The following SPECC1 variants were observed in gnomAD, a reference collection of about 807,000 sequenced individuals.
SPECC1 encodes sperm antigen with calponin homology and coiled-coil domains 1.
Under a neutral mutation model 104.1 loss-of-function variants are expected in SPECC1, and 62 were observed. The observed-to-expected ratio is 0.60, with a 90% confidence interval of 0.49 to 0.74. The LOEUF is 0.74. Ranked by LOEUF, SPECC1 falls within the 30% of genes least tolerant of loss-of-function variation. The pLI is 0.00. For missense variants in SPECC1, 1,306 were observed against 1,310.5 expected (o/e 1.00, Z 0.05); for synonymous variants, 513 against 501.6 (o/e 1.02, Z -0.30).
chr17:20,146,538 TAA>T (rs1218236659), intron 3 of SPECC1, among the ~76,000 whole-genome samples: 1 of 152,230 alleles, frequency 6.6e-6, no homozygotes, highest in South Asian at 2.1e-4. Flanking sequence ...TGTGTAGACC[TAA>T]GTTTTCAGCT....
At chr17:20,308,351 T>A (rs2142184810) in intron 14 of SPECC1, among the ~76,000 whole-genome samples, 1 of 125,252 alleles carries the variant, frequency 8.0e-6, no homozygotes, top group Admixed American at 1.0e-4. Context: ...ATTGCACCAT[T>A]GCACTCCAGC....
chr17:20,213,336 C>T (rs2037280835), intron 4 of SPECC1, among the ~76,000 whole-genome samples: 1 of 152,088 alleles, frequency 6.6e-6, no homozygotes, highest in Non-Finnish European at 1.5e-5. Flanking sequence ...GATGATCCTC[C>T]CACACCTCAG....
intron 13 of SPECC1, among the ~76,000 whole-genome samples, chr17:20,299,572 A>AAG (rs1555535683): frequency 1.7e-5 from 2 of 118,362 alleles, no homozygotes; most frequent in African/African-American, 6.1e-5. Flanking sequence ...AAAAAAAAAA[A>AAG]AAAAAAAGAA....
intron 3 of SPECC1, among the ~76,000 whole-genome samples, chr17:20,196,418 C>T (rs2036038518): frequency 6.6e-6 from 1 of 152,206 alleles, no homozygotes; most frequent in Non-Finnish European, 1.5e-5. Flanking sequence ...GCTAACTCCA[C>T]ATGTCCCCAG....
intron 3 of SPECC1, among the ~76,000 whole-genome samples, chr17:20,144,183 T>C (rs1214602729): frequency 0.017 from 2,209 of 129,916 alleles, 50 homozygotes; most frequent in African/African-American, 0.052. Flanking sequence ...TTCTTTTTTT[T>C]TTTTTTTTTT....
intron 3 of SPECC1, among the ~76,000 whole-genome samples, chr17:20,202,300 G>T (rs1389436078): frequency 6.6e-6 from 1 of 151,984 alleles, no homozygotes; most frequent in African/African-American, 2.4e-5. Context: ...CCTCTCTCCA[G>T]TACACCTCAG....
At chr17:20,217,778 AGCAGCTCAT>A (rs1270984893) in intron 4 of SPECC1, among the ~76,000 whole-genome samples, 2 of 152,192 alleles carry the variant, frequency 1.3e-5, no homozygotes, top group Non-Finnish European at 2.9e-5. Context: ...GGCCAGGCAC[AGCAGCTCAT>A]GCCTGTAATC....
chr17:20,046,564 A>T (rs1299973641), intron 1 of SPECC1, among the ~76,000 whole-genome samples: 1 of 152,198 alleles, frequency 6.6e-6, no homozygotes, highest in Non-Finnish European at 1.5e-5. Context: ...AGTAAGTCTT[A>T]GAATACGTTA....
intron 1 of SPECC1, among the ~76,000 whole-genome samples, chr17:20,052,172 A>T (rs2045798600): frequency 6.6e-6 from 1 of 152,196 alleles, no homozygotes; most frequent in African/African-American, 2.4e-5. Context: ...TTTCAATATC[A>T]TGTGCCTAGT....
At chr17:20,255,540 T>TA (rs2039794812) in intron 10 of SPECC1, among the ~76,000 whole-genome samples, 1 of 152,214 alleles carries the variant, frequency 6.6e-6, no homozygotes, top group African/African-American at 2.4e-5. Flanking sequence ...CCACTAGCCT[T>TA]AAAGTTTTCT....
intron 2 of SPECC1, among the ~76,000 whole-genome samples, chr17:20,097,492 T>C (rs931469726): frequency 3.3e-5 from 5 of 152,216 alleles, no homozygotes; most frequent in Admixed American, 2.6e-4. Flanking sequence ...AGATGCTCCT[T>C]AAAGCACCAC....
At chr17:20,014,510 T>C (rs896431019) in intron 1 of SPECC1, among the ~76,000 whole-genome samples, 2 of 152,208 alleles carry the variant, frequency 1.3e-5, no homozygotes, top group Non-Finnish European at 2.9e-5. Context: ...ATGGTAAACT[T>C]TCTGAACCCT....
At chr17:20,249,047 T>C (rs1289876258) in intron 9 of SPECC1, among the ~76,000 whole-genome samples, 1 of 152,240 alleles carries the variant, frequency 6.6e-6, no homozygotes, top group East Asian at 1.9e-4. Flanking sequence ...AAATACTCTC[T>C]GGAGGACAAT....
At chr17:20,285,698 A>C (rs1039913034) in intron 12 of SPECC1, among the ~76,000 whole-genome samples, 1 of 152,054 alleles carries the variant, frequency 6.6e-6, no homozygotes, top group Non-Finnish European at 1.5e-5. Context: ...AGTGGACACC[A>C]CACTCTAGCC....
intron 4 of SPECC1, among the ~76,000 whole-genome samples, chr17:20,215,633 C>T (rs2037439073): frequency 6.6e-6 from 1 of 152,134 alleles, no homozygotes; most frequent in South Asian, 2.1e-4. Flanking sequence ...TTTCTCATAG[C>T]CAGGGCATAA....
intron 3 of SPECC1, chr17:20,113,132 T>A: frequency 1.6e-6 from 1 of 642,096 alleles, no homozygotes; most frequent in Non-Finnish European, 2.8e-6. Context: ...TTGTTCTCAG[T>A]GGTGCATAAG....
intron 3 of SPECC1, among the ~76,000 whole-genome samples, chr17:20,187,483 G>A (rs918097650): frequency 3.3e-5 from 5 of 152,144 alleles, no homozygotes; most frequent in Non-Finnish European, 7.3e-5. Flanking sequence ...GAGCCCTGGA[G>A]CTGCCAGTAC....
chr17:20,122,106 C>T lies in SPECC1; in HGVS notation c.283+11544C>T, dbSNP rs112421701. ...AGAGATGACGGCTGGCCCGTGTCCC[C>T]CACGTCAAGGGAGTGGCAGGAAGAC... On this transcript the variant is annotated intron_variant, in intron 3 of 14. Coordinates refer to ENST00000395527, the MANE Select transcript of SPECC1 (RefSeq NM_001243439.2). Among the ~76,000 whole-genome samples, 27 of 152,214 alleles carry T rather than the reference C, an allele frequency of 1.8e-4. 1 individual carries two copies. The highest frequency in any genetic ancestry group is 6.3e-4 in the African/African-American group (26 of 41,546).
intron 11 of SPECC1, among the ~76,000 whole-genome samples, chr17:20,258,094 T>C (rs2039898074): frequency 6.6e-6 from 1 of 152,204 alleles, no homozygotes; most frequent in African/African-American, 2.4e-5. Context: ...GTAAGTAGTC[T>C]TCATTGCTAA....
Sources: allele counts gnomAD v4.1 joint callset (sites outside exome capture counted in the v4.1 genomes callset), GRCh38; gene constraint gnomAD v4.1.1; transcripts MANE v1.5; gene names NCBI Gene and HGNC (gene_info 2026-07-23, HGNC 2026-07-21).